The following MLPH variants were observed in gnomAD, a reference collection of about 807,000 sequenced individuals.
The protein encoded by MLPH is melanophilin, also known as exophilin-3.
MLPH carries 51 observed loss-of-function variants against 72.1 expected under a neutral mutation model. The ratio of observed to expected loss-of-function variants is 0.71; its 90% CI spans 0.56 to 0.89. The LOEUF is 0.89. Ranked by LOEUF, MLPH falls within the 40% of genes least tolerant of loss-of-function variation. MLPH has a pLI of 0.00. For missense variants in MLPH, 743 were observed against 759.9 expected (o/e 0.98, Z 0.26); for synonymous variants, 301 against 310.1 (o/e 0.97, Z 0.31).
intron 15 of MLPH, among the ~76,000 whole-genome samples, chr2:237,552,741 G>A (rs1473488773): frequency 2.0e-5 from 3 of 152,196 alleles, no homozygotes; most frequent in African/African-American, 4.8e-5. Flanking sequence ...GAAAACAGAG[G>A]CAGAGAGAGG....
At chr2:237,520,714 T>TA (rs201006223) in intron 6 of MLPH, among the ~76,000 whole-genome samples, 2,618 of 152,144 alleles carry the variant, frequency 0.017, 46 homozygotes, top group South Asian at 0.07. Flanking sequence ...AGGGATGGGA[T>TA]AAAAAAAGAG....
intron 4 of MLPH, among the ~76,000 whole-genome samples, chr2:237,516,053 A>G (rs1285031200): frequency 6.6e-6 from 1 of 152,184 alleles, no homozygotes; most frequent in Non-Finnish European, 1.5e-5. Flanking sequence ...GCACACTCCA[A>G]TGCACCAATG....
chr2:237,518,946 G>A (rs1337159703), intron 5 of MLPH, among the ~76,000 whole-genome samples: 1 of 152,178 alleles, frequency 6.6e-6, no homozygotes, highest in African/African-American at 2.4e-5. Context: ...TGAGTGCAGG[G>A]GACTGCTGTA....
At chr2:237,527,242 G>A in intron 7 of MLPH, 135 bp from the exon 8 acceptor site, 1 of 1,104,474 alleles carries the variant, frequency 9.1e-7, no homozygotes, top group South Asian at 1.3e-5. Context: ...TGTGACTTTG[G>A]AACCTCAGCC....
At chr2:237,507,071 T>C (rs1328779037) in intron 2 of MLPH, among the ~76,000 whole-genome samples, 2 of 143,926 alleles carry the variant, frequency 1.4e-5, no homozygotes, top group East Asian at 2.0e-4. Flanking sequence ...TCTTTTTTTT[T>C]TTTTTTTTTT....
At chr2:237,551,436 G>A (rs2081038781) in intron 14 of MLPH, among the ~76,000 whole-genome samples, 1 of 152,252 alleles carries the variant, frequency 6.6e-6, no homozygotes. Context: ...ATGTCACCGA[G>A]CGTGGGGTCA....
intron 10 of MLPH, 98 bp from the exon 11 acceptor site, chr2:237,540,704 G>A (rs1481080695): frequency 1.3e-6 from 2 of 1,541,846 alleles, no homozygotes; most frequent in African/African-American, 1.4e-5. Flanking sequence ...CAGCTCCCAG[G>A]GTTCAGAGAG....
chr2:237,513,019 A>T (rs2079938770), intron 4 of MLPH, among the ~76,000 whole-genome samples: 1 of 151,744 alleles, frequency 6.6e-6, no homozygotes, highest in African/African-American at 2.4e-5. Context: ...CAGGGGCTGC[A>T]TTCCTCCCTG....
At chr2:237,499,308 T>G (rs1360849572) in intron 2 of MLPH, among the ~76,000 whole-genome samples, 3 of 152,042 alleles carry the variant, frequency 2.0e-5, no homozygotes, top group Non-Finnish European at 4.4e-5. Context: ...CTAGTGGCTA[T>G]TAAAATTAAT....
rs966277687 is a variant in MLPH, at chr2:237,542,291, C to T, written c.1447-276C>T. 8.5e-5 allele frequency among the ~76,000 whole-genome samples: 13 copies of T among 152,076 alleles called. 1 individual carries two copies. Among genetic ancestry groups the T allele is most frequent in the Admixed American group, 3.9e-4 (6 of 15,276 alleles). ...CCCTCCTCCAGCCCCTCATGGGAGC[C>T]GGACTCCCTGAGACTCAAGAAAATG... On this transcript the variant is annotated intron_variant, in intron 11 of 15. Transcript: ENST00000264605.
rs866764286 is a variant in MLPH at position 237,510,408 on chromosome 2, G to C, written c.111-166G>C. 4.3e-5 allele frequency: 32 copies of C among 747,720 alleles called. 1 individual carries two copies. The Middle Eastern group carries it at 4.7e-3, about 111-fold the overall frequency. 46.3% of individuals were successfully genotyped at this position (747,720 alleles called of 1,614,324 possible). ...CTCAGCCCTCAAAACAAAGATGCCT[G>C]TGTGGCTTTGCCCAACGTTGGGTCA... On this transcript the variant is annotated intron_variant, in intron 2 of 15. Transcript: ENST00000264605. The surrounding 1 kb of genome is among the most constrained non-coding windows in gnomAD (Gnocchi z 4.4).
intron 6 of MLPH, among the ~76,000 whole-genome samples, 173 bp downstream of exon 6, chr2:237,520,202 G>A (rs2080150601): frequency 6.6e-6 from 1 of 152,170 alleles, no homozygotes; most frequent in South Asian, 2.1e-4. Context: ...AGGATCCAGA[G>A]ACCTCACACT....
intron 2 of MLPH, among the ~76,000 whole-genome samples, chr2:237,498,222 TCA>T (rs2079575716): frequency 1.3e-5 from 2 of 152,212 alleles, no homozygotes; most frequent in Non-Finnish European, 2.9e-5. Flanking sequence ...AAGAGCGGAT[TCA>T]CTTAATGCAC....
Position 237,515,617 on chromosome 2 carries a change from C to T in MLPH, c.446-2922C>T, listed in dbSNP as rs80199380. ...TAACTGAGAATGGGAAAAGGAGATA[C>T]TGAGGTATCAGAGGTCATAACTGCA... On this transcript the variant is annotated intron_variant, in intron 4 of 15. Coordinates refer to ENST00000264605, the MANE Select transcript of MLPH (RefSeq NM_024101.7). Among the ~76,000 whole-genome samples the T allele has an allele frequency of 4.2e-3, 637 of 152,274 alleles. 15 individuals carry two copies. The highest frequency in any genetic ancestry group is 0.032 in the East Asian group (166 of 5,160).
intron 2 of MLPH, among the ~76,000 whole-genome samples, chr2:237,499,439 G>A (rs2106470510): frequency 6.6e-6 from 1 of 152,200 alleles, no homozygotes; most frequent in Middle Eastern, 3.4e-3. Context: ...TCTTTGCAGA[G>A]GCCCATTTGG....
rs2079866824 is a variant in MLPH, at chr2:237,510,481, G to A, written c.111-93G>A. 1 of 1,151,036 alleles carries A rather than the reference G, an allele frequency of 8.7e-7. No homozygotes were observed. Among genetic ancestry groups the A allele is most frequent in the Non-Finnish European group, 1.3e-6 (1 of 779,234 alleles). 71.3% of individuals were successfully genotyped at this position (1,151,036 alleles called of 1,614,324 possible). ...TTACTGTGTGTGTGTATGTGTCTGT[G>A]TCTGTGTGTGTGTGTATGTACGTGT... On this transcript the variant is annotated intron_variant, in intron 2 of 15. Transcript: ENST00000264605. The surrounding 1 kb of genome is among the most constrained non-coding windows in gnomAD (Gnocchi z 4.4).
intron 2 of MLPH, among the ~76,000 whole-genome samples, chr2:237,504,636 C>T (rs1384731053): frequency 6.6e-6 from 1 of 152,226 alleles, no homozygotes; most frequent in Non-Finnish European, 1.5e-5. Flanking sequence ...TGCATGACCT[C>T]CACTCTGTTG....
At position 237,519,991 on chromosome 2, in the gene MLPH, C is replaced by T. The variant is rs549890443; in HGVS notation, c.637C>T (p.His213Tyr). ...CACTCAGCCTCAAGGTCACTCCCTG[C>T]ACCTGTCCTCAGTCCCTGAGGCCAG... ...DSTQPQGHSLHLSSVPEARDS... is the reference protein window; with the variant it reads ...DSTQPQGHSLYLSSVPEARDS... The change falls in exon 6 of 16, where the codon CAC becomes TAC. Residue 213 changes from histidine to tyrosine, a missense_variant. Coordinates refer to ENST00000264605, the MANE Select transcript of MLPH (RefSeq NM_024101.7). 6.2e-6 allele frequency: 10 copies of T among 1,614,074 alleles called. No individual in the cohort carries two copies. Among genetic ancestry groups the T allele is most frequent in the Admixed American group, 3.3e-5 (2 of 60,020 alleles).
Position 237,524,302 on chromosome 2 carries a change from A to AATATATATATATATATATATATATAT in MLPH, c.676-1280_676-1279insTATATATATATATATATATATATATA, listed in dbSNP as rs139706602. On this transcript the variant is annotated intron_variant, in intron 6 of 15. Transcript: ENST00000264605. ...TTTCTTAGAGGGACAGAACTAATAG[A>AATATATATATATATATATATATATAT]ATATATATATATATATATAAAGGGG... Among the ~76,000 whole-genome samples the AATATATATATATATATATATATATAT allele has an allele frequency of 2.7e-3, 348 of 127,152 alleles. 9 individuals carry two copies. Among genetic ancestry groups the AATATATATATATATATATATATATAT allele is most frequent in the African/African-American group, 0.011 (256 of 24,184 alleles). 83.4% of individuals were successfully genotyped at this position (127,152 alleles called of 152,430 possible). A position where few individuals can be genotyped will look rare whatever the true frequency, so the allele number is the denominator to read the frequency against.
Sources: allele counts gnomAD v4.1 joint callset (sites outside exome capture counted in the v4.1 genomes callset), GRCh38; gene constraint gnomAD v4.1.1; non-coding constraint Gnocchi (gnomAD v3.1); transcripts MANE v1.5; gene names NCBI Gene and HGNC (gene_info 2026-07-23, HGNC 2026-07-21).